SULF2: variants seen among roughly 807,000 people sequenced by gnomAD.
SULF2 encodes the protein sulfatase 2, also known as extracellular sulfatase Sulf-2.
In SULF2, 52 loss-of-function variants were observed where a neutral mutation model predicts 107.7. The observed-to-expected ratio is 0.48, with a 90% confidence interval of 0.39 to 0.61. The LOEUF (loss-of-function observed/expected upper bound fraction) is 0.61. Ranked by LOEUF, SULF2 falls within the 20% of genes least tolerant of loss-of-function variation. The probability of loss-of-function intolerance (pLI) is 0.00; values close to 1 mark genes in which losing one functional copy is unlikely to be tolerated. For missense variants in SULF2, 993 were observed against 1,177.3 expected, an observed-to-expected ratio of 0.84 and a Z score of 2.29; for synonymous variants, 460 against 464.3, an observed-to-expected ratio of 0.99 and a Z score of 0.12.
chr20:47,774,177 TTCC>T (rs796665634), intron 1 of SULF2, among the ~76,000 whole-genome samples: 10 of 152,386 alleles, frequency 6.6e-5, no homozygotes, highest in African/African-American at 2.4e-4. Context: ...ACAGGTCGGC[TTCC>T]CAATGTGGCT....
chr20:47,726,795 C>T (rs867726373), intron 3 of SULF2, among the ~76,000 whole-genome samples: 20 of 152,196 alleles, frequency 1.3e-4, no homozygotes, highest in African/African-American at 4.6e-4. Context: ...CTGAAACCCC[C>T]GGAAGCCTCT....
intron 1 of SULF2, among the ~76,000 whole-genome samples, chr20:47,784,123 C>G (rs1399311004): frequency 6.6e-6 from 1 of 152,146 alleles, no homozygotes; most frequent in East Asian, 1.9e-4. Context: ...CTCCTGCTCC[C>G]TGTCTCCCCC....
intron 3 of SULF2, 100 bp from the exon 4 acceptor site, chr20:47,702,770 C>A: frequency 1.8e-6 from 2 of 1,102,698 alleles, no homozygotes; most frequent in South Asian, 1.5e-5. Context: ...ACCTGCTCTG[C>A]CATGGAGCCC....
At chr20:47,747,723 C>G (rs80226505) in intron 2 of SULF2, among the ~76,000 whole-genome samples, 4,656 of 152,084 alleles carry the variant, frequency 0.031, 149 homozygotes, top group African/African-American at 0.085. Flanking sequence ...TAATGTCCCC[C>G]CCTTCCCCAC....
chr20:47,785,855 G>A (rs1239314374), upstream of SULF2: 1 of 152,130 alleles, frequency 6.6e-6, no homozygotes, highest in Non-Finnish European at 1.5e-5. Flanking sequence ...GGGGACGCGC[G>A]GCCCGCGACC....
At chr20:47,707,799 C>T (rs1036284287) in intron 3 of SULF2, among the ~76,000 whole-genome samples, 5 of 152,216 alleles carry the variant, frequency 3.3e-5, no homozygotes, top group African/African-American at 9.7e-5. Context: ...TACCAGATCT[C>T]GCTCTTATTA....
chr20:47,679,878 C>A (rs968933504), intron 7 of SULF2, among the ~76,000 whole-genome samples: 1 of 152,146 alleles, frequency 6.6e-6, no homozygotes, highest in Non-Finnish European at 1.5e-5. Flanking sequence ...GCCCCCTCCC[C>A]ACCCTCCCTG....
rs765909637 is a variant in SULF2 at position 47,757,357 on chromosome 20, G to A, written c.7C>T (p.Pro3Ser). The change falls in exon 2 of 21, where the codon CCC becomes TCC. Residue 3 changes from proline (P) to serine (S), a missense_variant. By Grantham distance (74) the Pro-to-Ser change is moderately conservative. Around this residue, in one of 3 missense-constraint regions of SULF2, gnomAD observed 388 missense variants for 449.2 expected, o/e 0.86. Coordinates refer to ENST00000688720, the MANE Select transcript of SULF2 (RefSeq NM_001387048.1). MG[P>S]PSLVLCLLSA... ...AGCAAGCACAGCACGAGGCTCGGGG[G>A]GCCCATCTTCTTTTTTTGCTGATCT... The A allele has an allele frequency of 2.5e-5, 40 of 1,587,310 alleles. No individual in the cohort carries two copies. The highest frequency in any genetic ancestry group is 3.1e-5 in the Non-Finnish European group (36 of 1,163,614).
Position 47,666,204 on chromosome 20 carries a change from C to A in SULF2, c.1805+56G>T. ...CAGGGGCCCAAGAGGTGTGGGAAGC[C>A]CTTTGCCGAGGTCTGTCCTGTCCCC... On this transcript the variant is annotated intron_variant, in intron 12 of 20. Transcript: ENST00000688720. This position sits in a 1 kb window ranked among gnomAD's most constrained non-coding sequence, Gnocchi z 5.4. The A allele has an allele frequency of 1.2e-6, 2 of 1,611,374 alleles. No individual in the cohort carries two copies. The highest frequency in any genetic ancestry group is 4.5e-5 in the East Asian group (2 of 44,798).
At chr20:47,726,751 A>G (rs113437753) in intron 3 of SULF2, among the ~76,000 whole-genome samples, 2,360 of 152,272 alleles carry the variant, frequency 0.015, 59 homozygotes, top group African/African-American at 0.052. Flanking sequence ...CACAGCTAGC[A>G]CCTAGGAGAG....
In SULF2 at chr20:47,694,369, G is replaced by A. The variant is rs556190267; in HGVS notation, c.568-4074C>T. Among the ~76,000 whole-genome samples the A allele has an allele frequency of 6.6e-6, 1 of 152,364 alleles. No individual in the cohort carries two copies. The highest frequency in any genetic ancestry group is 2.1e-4 in the South Asian group (1 of 4,834). ...GTTGAGGGAAGGGTAGAGAAGGCCT[G>A]GGCCGGGGGAAAGGCTGAGTTCAGA... On this transcript the variant is annotated intron_variant, in intron 4 of 20. Transcript: ENST00000688720. The surrounding 1 kb of genome is among the most constrained non-coding windows in gnomAD (Gnocchi z 4.4).
intron 18 of SULF2, 148 bp from the exon 19 acceptor site, chr20:47,659,878 G>T (rs1172573535): frequency 6.1e-6 from 4 of 654,390 alleles, no homozygotes; most frequent in South Asian, 1.9e-5. Context: ...AATTATGAGG[G>T]GTAGACTGAA....
chr20:47,772,701 G>C (rs2090654019), intron 1 of SULF2, among the ~76,000 whole-genome samples: 1 of 151,944 alleles, frequency 6.6e-6, no homozygotes, highest in South Asian at 2.1e-4. Context: ...CACTCACTCA[G>C]GTCTCCTGCC....
intron 1 of SULF2, among the ~76,000 whole-genome samples, chr20:47,773,432 G>A (rs554798376): frequency 2.6e-5 from 4 of 152,366 alleles, no homozygotes; most frequent in Admixed American, 2.6e-4. Flanking sequence ...AACGGAGGAA[G>A]TAAGTGCAAA....
At chr20:47,764,450 C>G (rs187369958) in intron 1 of SULF2, among the ~76,000 whole-genome samples, 351 of 152,352 alleles carry the variant, frequency 2.3e-3, no homozygotes, top group African/African-American at 8.0e-3. Context: ...TTTCCCACCC[C>G]CCCTTATATA....
In SULF2 at chr20:47,782,224, T is replaced by C. The variant is rs74451020; in HGVS notation, c.-101+3119A>G. ...CTTCCGGTCCATTCACTGCTGGATC[T>C]GTACCCTGACACCCAACTGTGGCCA... On this transcript the variant is annotated intron_variant, in intron 1 of 20. Transcript: ENST00000688720. 9.5e-3 allele frequency among the ~76,000 whole-genome samples: 1,452 copies of C among 152,316 alleles called. 19 individuals carry two copies. Among genetic ancestry groups the C allele is most frequent in the African/African-American group, 0.032 (1,343 of 41,556 alleles).
At chr20:47,715,651 G>A (rs1193920957) in intron 3 of SULF2, among the ~76,000 whole-genome samples, 6 of 151,246 alleles carry the variant, frequency 4.0e-5, no homozygotes, top group South Asian at 2.1e-4. Flanking sequence ...GCACGATCTC[G>A]GCTCACTGCA....
At chr20:47,745,462 T>TATAC (rs2090014083) in intron 2 of SULF2, among the ~76,000 whole-genome samples, 9 of 20,270 alleles carry the variant, frequency 4.4e-4, no homozygotes, top group African/African-American at 3.6e-3. Flanking sequence ...TATATACACA[T>TATAC]ACACACACAC....
chr20:47,740,899 C>T (rs901237343), intron 2 of SULF2, among the ~76,000 whole-genome samples: 4 of 152,112 alleles, frequency 2.6e-5, no homozygotes, highest in Admixed American at 6.5e-5. Context: ...CCTCCTGCTC[C>T]TCCCGAAGCC....
Sources: allele counts gnomAD v4.1 joint callset (sites outside exome capture counted in the v4.1 genomes callset), GRCh38; gene constraint gnomAD v4.1.1; regional missense constraint gnomAD v4.1.1; non-coding constraint Gnocchi (gnomAD v3.1); transcripts MANE v1.5; gene names NCBI Gene and HGNC (gene_info 2026-07-23, HGNC 2026-07-21).